Variants in ARHGAP32 observed in about 807,000 individuals in gnomAD.
ARHGAP32 encodes the protein Rho GTPase activating protein 32.
ARHGAP32 carries 51 observed loss-of-function variants against 186.5 expected under a neutral mutation model. That is an observed-to-expected ratio of 0.27 (90% CI 0.22 to 0.35). The LOEUF is 0.35. Among genes scored for constraint, ARHGAP32 ranks in the 10% least tolerant of loss-of-function variants. The pLI is 1.00. For synonymous variants in ARHGAP32, 950 were observed against 964.3 expected (o/e 0.99, Z 0.27); for missense variants, 2,186 against 2,623.5 (o/e 0.83, Z 3.64).
intron 1 of ARHGAP32, among the ~76,000 whole-genome samples, chr11:129,207,473 A>C (rs1417174797): frequency 3.3e-5 from 5 of 152,158 alleles, no homozygotes; most frequent in Non-Finnish European, 5.9e-5. Flanking sequence ...TTTGATTTGC[A>C]TTTCTCTAAT....
At chr11:129,129,917 T>C (rs1007228637) in intron 2 of ARHGAP32, among the ~76,000 whole-genome samples, 3 of 152,382 alleles carry the variant, frequency 2.0e-5, no homozygotes, top group African/African-American at 4.8e-5. Context: ...TATGTAGTTA[T>C]TGGTATGTGT....
At chr11:129,011,881 C>A (rs1231864793) in intron 11 of ARHGAP32, among the ~76,000 whole-genome samples, 1 of 152,018 alleles carries the variant, frequency 6.6e-6, no homozygotes, top group East Asian at 1.9e-4. Flanking sequence ...GAGGAATACA[C>A]ACATCACACA....
At chr11:129,255,637 A>C (rs2135700133) in intron 1 of ARHGAP32, among the ~76,000 whole-genome samples, 1 of 152,160 alleles carries the variant, frequency 6.6e-6, no homozygotes, top group South Asian at 2.1e-4. Flanking sequence ...CTGACAAAAA[A>C]CTAGTAGTCA....
At chr11:129,259,842 G>C (rs1565483290) in intron 1 of ARHGAP32, among the ~76,000 whole-genome samples, 1 of 152,180 alleles carries the variant, frequency 6.6e-6, no homozygotes, top group African/African-American at 2.4e-5. Context: ...TCTGAGACCA[G>C]TAAGAATTTC....
intron 2 of ARHGAP32, among the ~76,000 whole-genome samples, chr11:129,158,017 G>A (rs1048540457): frequency 5.3e-5 from 8 of 152,058 alleles, no homozygotes; most frequent in African/African-American, 9.7e-5. Context: ...TTACAGACAA[G>A]CAAATGCTGA....
intron 22 of ARHGAP32, 164 bp downstream of exon 22, chr11:128,972,289 A>T: frequency 3.1e-6 from 2 of 647,368 alleles, no homozygotes; most frequent in Non-Finnish European, 4.8e-6. Flanking sequence ...GCATCAAGGT[A>T]ATGGCAGACT....
chr11:129,046,846 C>T (rs576970694), intron 10 of ARHGAP32, among the ~76,000 whole-genome samples: 12 of 152,158 alleles, frequency 7.9e-5, no homozygotes, highest in African/African-American at 2.9e-4. Context: ...AATTCTTGGC[C>T]GGGCGCGGTG....
intron 1 of ARHGAP32, among the ~76,000 whole-genome samples, chr11:129,265,354 T>C (rs540607902): frequency 1.8e-4 from 27 of 152,356 alleles, no homozygotes; most frequent in African/African-American, 6.5e-4. Flanking sequence ...GGTAATTCTC[T>C]GTTGGGAGAG....
intron 5 of ARHGAP32, among the ~76,000 whole-genome samples, chr11:129,110,749 T>C (rs770671521): frequency 3.3e-5 from 5 of 152,202 alleles, no homozygotes; most frequent in Admixed American, 6.5e-5. Flanking sequence ...TACTGCTATA[T>C]AGAAATATTA....
chr11:129,045,772 A>G (rs906640585), intron 10 of ARHGAP32, among the ~76,000 whole-genome samples: 4 of 152,180 alleles, frequency 2.6e-5, no homozygotes, highest in African/African-American at 4.8e-5. Context: ...GGGAGAGCAG[A>G]ATTGGGTATA....
At chr11:129,066,048 G>A (rs1217725581) in intron 7 of ARHGAP32, among the ~76,000 whole-genome samples, 3 of 152,110 alleles carry the variant, frequency 2.0e-5, no homozygotes, top group Non-Finnish European at 4.4e-5. Context: ...TCCATTTCAT[G>A]AATGTGACAG....
At chr11:129,063,061 G>T (rs1940566098) in intron 9 of ARHGAP32, among the ~76,000 whole-genome samples, 1 of 132,416 alleles carries the variant, frequency 7.6e-6, no homozygotes, top group African/African-American at 2.7e-5. Flanking sequence ...TCAATCAAAA[G>T]AAATGCTGAT....
chr11:129,180,540 G>A (rs1944033954), intron 1 of ARHGAP32, among the ~76,000 whole-genome samples: 1 of 151,990 alleles, frequency 6.6e-6, no homozygotes, highest in Non-Finnish European at 1.5e-5. Context: ...AGTTTAAGAG[G>A]TATAAAAATT....
intron 1 of ARHGAP32, among the ~76,000 whole-genome samples, chr11:129,233,783 T>A (rs1224669539): frequency 1.3e-5 from 2 of 152,084 alleles, no homozygotes; most frequent in Non-Finnish European, 2.9e-5. Flanking sequence ...GATATACTTT[T>A]TATATAAGGT....
intron 5 of ARHGAP32, among the ~76,000 whole-genome samples, chr11:129,106,075 T>C (rs1283361214): frequency 6.6e-6 from 1 of 152,198 alleles, no homozygotes; most frequent in Non-Finnish European, 1.5e-5. Context: ...TTGTTGGGAA[T>C]GTAAATTACT....
intron 1 of ARHGAP32, among the ~76,000 whole-genome samples, chr11:129,247,719 T>A (rs745956814): frequency 2.0e-5 from 3 of 152,150 alleles, no homozygotes; most frequent in Non-Finnish European, 2.9e-5. Context: ...GTAGAAATGT[T>A]TTCAGGATAA....
At chr11:129,105,285 T>C (rs920252249) in intron 5 of ARHGAP32, among the ~76,000 whole-genome samples, 2 of 152,164 alleles carry the variant, frequency 1.3e-5, no homozygotes, top group African/African-American at 4.8e-5. Flanking sequence ...TTGAAAGCCA[T>C]GCACACGCAC....
chr11:129,246,945 TA>T (rs1344807095), intron 1 of ARHGAP32, among the ~76,000 whole-genome samples: 1 of 152,126 alleles, frequency 6.6e-6, no homozygotes, highest in Non-Finnish European at 1.5e-5. Context: ...AACCTGATGG[TA>T]GCTGATTTCA....
rs1945492736 is a variant in ARHGAP32, at chr11:128,974,665, A to G, written c.2532T>C (p.Ser844=). 6.2e-7 allele frequency: 1 copy of G among 1,613,968 alleles called. No individual in the cohort carries two copies. Among genetic ancestry groups the G allele is most frequent in the African/African-American group, 1.3e-5 (1 of 74,864 alleles). The change falls in exon 21 of 23, where the codon AGT becomes AGC. Residue 844 remains serine, a synonymous_variant. Transcript: ENST00000682385. Reference sequence around the variant, plus strand: ...CTGTTTCTGCATCCTTTTTATTGGCACTTGGTTTATCCTTGGAGTATCCTG... The same window carrying G: ...CTGTTTCTGCATCCTTTTTATTGGCGCTTGGTTTATCCTTGGAGTATCCTG... ...DSPGYSKDKP[S]ANKKDAETGS...
Sources: allele counts gnomAD v4.1 joint callset (sites outside exome capture counted in the v4.1 genomes callset), GRCh38; gene constraint gnomAD v4.1.1; transcripts MANE v1.5; gene names NCBI Gene and HGNC (gene_info 2026-07-23, HGNC 2026-07-21).